Variants in UTS2B observed in about 807,000 individuals in gnomAD.
The protein encoded by UTS2B is urotensin 2B, also known as urotensin-2B.
UTS2B carries 21 observed loss-of-function variants against 19.2 expected under a neutral mutation model. The ratio of observed to expected loss-of-function variants is 1.09; its 90% CI spans 0.78 to 1.58. The LOEUF (loss-of-function observed/expected upper bound fraction) is 1.58. Among genes scored for constraint, UTS2B ranks in the 40% most tolerant of loss-of-function variants. The probability of loss-of-function intolerance (pLI) is 0.00; values close to 1 mark genes in which losing one functional copy is unlikely to be tolerated. For synonymous variants in UTS2B, 57 were observed against 50.2 expected (o/e 1.14, Z -0.58); for missense variants, 138 against 130.3 (o/e 1.06, Z -0.29).
chr3:191,289,357 G>A (rs998335451), intron 4 of UTS2B, among the ~76,000 whole-genome samples: 1 of 151,318 alleles, frequency 6.6e-6, no homozygotes, highest in African/African-American at 2.4e-5. Flanking sequence ...TGCAGTGAGT[G>A]GAGATTGCGC....
Position 191,271,200 on chromosome 3 carries a change from C to CAAA in UTS2B, c.335-2762_335-2760dup, listed in dbSNP as rs66756396. 1.3e-3 allele frequency among the ~76,000 whole-genome samples: 67 copies of CAAA among 52,752 alleles called. 3 individuals carry two copies. The highest frequency in any genetic ancestry group is 3.7e-3 in the African/African-American group (51 of 13,904). 34.6% of individuals were successfully genotyped at this position (52,752 alleles called of 152,430 possible). Reference sequence around the variant, plus strand: ...GCCTGGTGACAGAGTGAGACTCTCTCAAAAAAAAAAAAAAAAAAAAAAAAA... The same window carrying CAAA: ...GCCTGGTGACAGAGTGAGACTCTCTCAAAAAAAAAAAAAAAAAAAAAAAAAAAA... On this transcript the variant is annotated intron_variant, in intron 8 of 8. Coordinates refer to ENST00000340524, the MANE Select transcript of UTS2B (RefSeq NM_198152.5).
intron 4 of UTS2B, among the ~76,000 whole-genome samples, chr3:191,303,992 T>C (rs980969586): frequency 1.3e-5 from 2 of 151,834 alleles, no homozygotes; most frequent in Non-Finnish European, 1.5e-5. Context: ...TTTTCTGAGA[T>C]GGAGTCTTGC....
In UTS2B at chr3:191,267,737, AACATTTGTATGTAGAAGTACAGT is replaced by A. The variant is rs534338180; in HGVS notation, c.*656_*678del. 4.5e-4 allele frequency: 69 copies of A among 152,268 alleles called. No individual in the cohort carries two copies. Among genetic ancestry groups the A allele is most frequent in the South Asian group, 2.1e-3 (10 of 4,814 alleles). The allele number at this position is 152,268 out of a possible 1,614,324, so 9.4% of individuals were successfully genotyped here. ...TGGGGATGAAGTAATTCTTTAACAT[AACATTTGTATGTAGAAGTACAGT>A]ACATTTGTATGTAGAAGTACAGTAT... is the stretch of plus-strand genomic sequence containing the variant. On this transcript the variant is annotated 3_prime_UTR_variant, in exon 9 of 9. Transcript: ENST00000340524.
upstream of UTS2B, among the ~76,000 whole-genome samples, chr3:191,334,080 G>A (rs1353974138): frequency 2.0e-5 from 3 of 152,014 alleles, no homozygotes; most frequent in Non-Finnish European, 4.4e-5. Context: ...TTTGTTCTAA[G>A]TACAAAGCAA....
intron 4 of UTS2B, among the ~76,000 whole-genome samples, chr3:191,289,450 A>ATAAATAAATAAATAAATAAAT (rs56188122): frequency 6.9e-6 from 1 of 144,050 alleles, no homozygotes; most frequent in Non-Finnish European, 1.5e-5. Flanking sequence ...AAATAAATAA[A>ATAAATAAATAAATAAATAAAT]AAACAAACGA....
chr3:191,306,392 T>C (rs747370832), intron 3 of UTS2B, among the ~76,000 whole-genome samples: 1 of 152,244 alleles, frequency 6.6e-6, no homozygotes, highest in African/African-American at 2.4e-5. Context: ...GATTGAACCC[T>C]ACCACATTTT....
At chr3:191,340,257 A>G in the UTS2B span, among the ~76,000 whole-genome samples, 1 of 152,238 alleles carries the variant, frequency 6.6e-6, no homozygotes, top group African/African-American at 2.4e-5. Flanking sequence ...TCTGACAGGT[A>G]TCTGTAATTA....
At chr3:191,342,364 G>C in the UTS2B span, among the ~76,000 whole-genome samples, 2 of 151,894 alleles carry the variant, frequency 1.3e-5, no homozygotes, top group African/African-American at 2.4e-5. Flanking sequence ...GTTTAAAGTT[G>C]AAATGAATTT....
intron 2 of UTS2B, among the ~76,000 whole-genome samples, chr3:191,323,922 T>A (rs535915405): frequency 6.6e-6 from 1 of 152,152 alleles, no homozygotes; most frequent in Non-Finnish European, 1.5e-5. Context: ...AATGGCAAAT[T>A]CCAGTGAAAT....
upstream of UTS2B, among the ~76,000 whole-genome samples, chr3:191,334,351 G>A (rs2108628626): frequency 6.6e-6 from 1 of 152,166 alleles, no homozygotes; most frequent in South Asian, 2.1e-4. Flanking sequence ...AATGAAGAAG[G>A]GAATTTTCAA....
chr3:191,345,954 G>A, the UTS2B span, among the ~76,000 whole-genome samples: 40,328 of 152,004 alleles, frequency 0.27, 6,225 homozygotes, highest in East Asian at 0.7. Context: ...AAGTTGCCAC[G>A]TGATAACTGA....
upstream of UTS2B, among the ~76,000 whole-genome samples, chr3:191,331,748 T>A (rs1717993651): frequency 6.6e-6 from 1 of 152,168 alleles, no homozygotes; most frequent in Non-Finnish European, 1.5e-5. Flanking sequence ...AGTGTATCCT[T>A]CCCTAATATA....
intron 2 of UTS2B, among the ~76,000 whole-genome samples, chr3:191,327,737 C>A (rs931535185): frequency 2.5e-4 from 38 of 152,146 alleles, no homozygotes; most frequent in Non-Finnish European, 8.8e-5. Context: ...CATCCAAAGG[C>A]ACGGCTTGGT....
chr3:191,299,727 G>A (rs1037395383), intron 4 of UTS2B, among the ~76,000 whole-genome samples: 11 of 152,226 alleles, frequency 7.2e-5, no homozygotes, highest in African/African-American at 2.7e-4. Context: ...GGAGCTGGGA[G>A]AAGAAGGCCA....
intron 5 of UTS2B, among the ~76,000 whole-genome samples, chr3:191,279,678 T>G (rs972211580): frequency 6.6e-6 from 1 of 152,070 alleles, no homozygotes; most frequent in Non-Finnish European, 1.5e-5. Flanking sequence ...TTGCCTTTCT[T>G]TATTAGTTTT....
chr3:191,331,507 A>G (rs976392460), upstream of UTS2B, among the ~76,000 whole-genome samples: 5 of 152,228 alleles, frequency 3.3e-5, no homozygotes, highest in East Asian at 9.6e-4. Context: ...GGTGTTTGGC[A>G]ATCTCTTTTA....
chr3:191,304,167 A>G (rs938821796), intron 4 of UTS2B, among the ~76,000 whole-genome samples: 1 of 152,152 alleles, frequency 6.6e-6, no homozygotes, highest in African/African-American at 2.4e-5. Flanking sequence ...CATGTTGCCC[A>G]GGCTGGTCAA....
At chr3:191,289,446 ATAAAAAAC>A (rs1220800946) in intron 4 of UTS2B, among the ~76,000 whole-genome samples, 327 of 145,950 alleles carry the variant, frequency 2.2e-3, no homozygotes, top group East Asian at 3.3e-3. Context: ...AAATAAATAA[ATAAAAAAC>A]AAACGAAATT....
intron 4 of UTS2B, among the ~76,000 whole-genome samples, chr3:191,293,883 C>G (rs925812880): frequency 6.6e-6 from 1 of 151,504 alleles, no homozygotes; most frequent in Non-Finnish European, 1.5e-5. Context: ...GGAGTCGGGG[C>G]GGATCTCCTG....
Sources: gnomAD v4.1 joint callset for allele counts (sites outside exome capture counted in the v4.1 genomes callset) on GRCh38, gnomAD v4.1.1 for gene constraint, MANE v1.5 for transcripts, NCBI Gene and HGNC (gene_info 2026-07-23, HGNC 2026-07-21) for gene names.